Variants in BRINP2 observed in about 807,000 individuals in gnomAD.
BRINP2 encodes BMP/retinoic acid inducible neural specific 2.
BRINP2 carries 21 observed loss-of-function variants against 69.2 expected under a neutral mutation model. The observed-to-expected ratio is 0.30, with a 90% CI of 0.22 to 0.44. The LOEUF (loss-of-function observed/expected upper bound fraction) is 0.44, where lower values mean the gene tolerates loss of function less well. Ranked by LOEUF, BRINP2 falls within the 20% of genes least tolerant of loss-of-function variation. BRINP2 has a pLI of 1.00. For missense variants in BRINP2, 877 were observed against 986.0 expected, an observed-to-expected ratio of 0.89 and a Z score of 1.48; for synonymous variants, 380 against 394.1, an observed-to-expected ratio of 0.96 and a Z score of 0.42.
chr1:177,251,823 G>A (rs1650591998), intron 2 of BRINP2, among the ~76,000 whole-genome samples: 1 of 152,022 alleles, frequency 6.6e-6, no homozygotes, highest in East Asian at 1.9e-4. Context: ...TGCTAAGTTG[G>A]CCTTTCCTTT....
chr1:177,248,345 T>C (rs1370797553), intron 2 of BRINP2, among the ~76,000 whole-genome samples: 1 of 151,942 alleles, frequency 6.6e-6, no homozygotes, highest in Non-Finnish European at 1.5e-5. Flanking sequence ...GCTCAAAAAG[T>C]TTTGGATTTT....
chr1:177,279,341 A>G (rs910138808), intron 7 of BRINP2, among the ~76,000 whole-genome samples: 2 of 152,246 alleles, frequency 1.3e-5, no homozygotes, highest in African/African-American at 4.8e-5. Flanking sequence ...AATTGGAAAG[A>G]TTTAACAAAC....
At chr1:177,214,235 C>A (rs1424113718) in intron 1 of BRINP2, among the ~76,000 whole-genome samples, 2 of 152,056 alleles carry the variant, frequency 1.3e-5, no homozygotes, top group Admixed American at 1.3e-4. Context: ...AGTTCGAGAC[C>A]AGCCTGTCTG....
chr1:177,259,883 T>A (rs539715218), intron 4 of BRINP2, among the ~76,000 whole-genome samples: 8 of 152,340 alleles, frequency 5.3e-5, no homozygotes, highest in African/African-American at 1.4e-4. Context: ...GATGGAGATG[T>A]ACAAAGGAGA....
chr1:177,237,930 A>G (rs1254670842), intron 2 of BRINP2, among the ~76,000 whole-genome samples: 2 of 151,816 alleles, frequency 1.3e-5, no homozygotes, highest in African/African-American at 2.4e-5. Context: ...GATTCTCAAT[A>G]TTTTTTTCTT....
intron 4 of BRINP2, among the ~76,000 whole-genome samples, 178 bp from the exon 5 acceptor site, chr1:177,273,310 T>C (rs982592447): frequency 4.6e-5 from 7 of 152,218 alleles, no homozygotes; most frequent in Non-Finnish European, 1.0e-4. Flanking sequence ...AGATACTCAC[T>C]GCCTCAGGCC....
Position 177,212,071 on chromosome 1 carries a change from A to AGAT in BRINP2, c.-76-17729_-76-17727dup, listed in dbSNP as rs1004775228. On this transcript the variant is annotated intron_variant, in intron 1 of 7. Coordinates refer to ENST00000361539, the MANE Select transcript of BRINP2 (RefSeq NM_021165.4). ...TCTACATATCTCTATAGACACAGAT[A>AGAT]GATAGATAGATAGATAGATAGATAG... is the stretch of plus-strand genomic sequence containing the variant. 4.4e-3 allele frequency among the ~76,000 whole-genome samples: 60 copies of AGAT among 13,760 alleles called. No homozygotes were observed. In the South Asian group the frequency reaches 0.083, roughly 19 times the overall value. 9.0% of individuals were successfully genotyped at this position (13,760 alleles called of 152,430 possible). A position where few individuals can be genotyped will look rare whatever the true frequency, so the allele number is the denominator to read the frequency against.
At chr1:177,189,897 G>T (rs1648537533) in intron 1 of BRINP2, among the ~76,000 whole-genome samples, 1 of 152,128 alleles carries the variant, frequency 6.6e-6, no homozygotes, top group Admixed American at 6.5e-5. Context: ...AAAAGGAAAG[G>T]GGTGTATGTG....
At chr1:177,204,043 C>G (rs890103383) in intron 1 of BRINP2, among the ~76,000 whole-genome samples, 1 of 152,124 alleles carries the variant, frequency 6.6e-6, no homozygotes, top group Admixed American at 6.6e-5. Context: ...GGCACCAGAT[C>G]CCTAGCTTTT....
chr1:177,175,379 C>T (rs1476535288), intron 1 of BRINP2, among the ~76,000 whole-genome samples: 1 of 152,142 alleles, frequency 6.6e-6, no homozygotes, highest in Non-Finnish European at 1.5e-5. Flanking sequence ...GGCAGCCTGC[C>T]AGCCTGGGCA....
At chr1:177,256,947 G>T (rs1650781941) in intron 3 of BRINP2, 2 of 1,408,126 alleles carry the variant, frequency 1.4e-6, no homozygotes, top group Admixed American at 5.1e-5. Context: ...TAAGCTGAGG[G>T]CAGGGGGACT....
intron 4 of BRINP2, among the ~76,000 whole-genome samples, chr1:177,265,032 T>A (rs1418608804): frequency 6.6e-6 from 1 of 152,192 alleles, no homozygotes; most frequent in South Asian, 2.1e-4. Flanking sequence ...GCTGGAGGCA[T>A]CATGCTACCT....
chr1:177,196,125 A>G (rs1320249320), intron 1 of BRINP2, among the ~76,000 whole-genome samples: 2 of 152,226 alleles, frequency 1.3e-5, no homozygotes, highest in East Asian at 3.9e-4. Flanking sequence ...TAAGAGAAAC[A>G]AATTCATGGT....
rs1558146764 is a variant in BRINP2, at chr1:177,171,162, A to C, written c.-647A>C. Among the ~76,000 whole-genome samples, 1 of 152,222 alleles carries C rather than the reference A, an allele frequency of 6.6e-6. No homozygotes were observed. The highest frequency in any genetic ancestry group is 1.5e-5 in the Non-Finnish European group (1 of 68,034). On this transcript the variant is annotated 5_prime_UTR_variant, in exon 1 of 8. Transcript: ENST00000361539. ...GCTCCGAGGTCAGTGGCAGGTCTGC[A>C]GGCAGCCGAGGGAGCGGTGAAGCCG...
At chr1:177,243,482 C>T (rs1650271553) in intron 2 of BRINP2, among the ~76,000 whole-genome samples, 1 of 152,088 alleles carries the variant, frequency 6.6e-6, no homozygotes, top group Non-Finnish European at 1.5e-5. Context: ...AGAAGGGAGA[C>T]CACATACAGG....
intron 5 of BRINP2, 23 bp from the exon 6 acceptor site, chr1:177,276,175 T>A (rs1165580350): frequency 6.2e-7 from 1 of 1,600,578 alleles, no homozygotes; most frequent in Non-Finnish European, 8.5e-7. Context: ...TCCCAGAGAT[T>A]CCTTGACACA....
intron 1 of BRINP2, among the ~76,000 whole-genome samples, chr1:177,176,358 T>C (rs1200917004): frequency 2.6e-5 from 4 of 152,154 alleles, no homozygotes; most frequent in African/African-American, 9.7e-5. Context: ...CAATGTAAAA[T>C]ATCTCATCAA....
At chr1:177,197,685 A>C (rs1406267424) in intron 1 of BRINP2, among the ~76,000 whole-genome samples, 1 of 152,152 alleles carries the variant, frequency 6.6e-6, no homozygotes, top group Non-Finnish European at 1.5e-5. Context: ...GTGTTATGGC[A>C]CCCAAGCCGA....
intron 4 of BRINP2, among the ~76,000 whole-genome samples, chr1:177,272,902 A>G (rs1341523656): frequency 1.3e-5 from 2 of 152,242 alleles, no homozygotes; most frequent in Non-Finnish European, 2.9e-5. Flanking sequence ...GTTTTGAAAT[A>G]TTACATGGCT....
Sources: allele counts gnomAD v4.1 joint callset (sites outside exome capture counted in the v4.1 genomes callset), GRCh38; gene constraint gnomAD v4.1.1; transcripts MANE v1.5; gene names NCBI Gene and HGNC (gene_info 2026-07-23, HGNC 2026-07-21).